The following MCC variants were observed in gnomAD, a reference collection of about 807,000 sequenced individuals.
MCC encodes colorectal mutant cancer protein.
MCC carries 90 observed loss-of-function variants against 116.2 expected under a neutral mutation model. The observed-to-expected ratio is 0.77, with a 90% CI of 0.65 to 0.92. MCC has a LOEUF of 0.92. MCC is among the 40% of genes least tolerant of loss of function. The pLI is 0.00. For synonymous variants in MCC, 578 were observed against 510.5 expected (o/e 1.13, Z -1.78); for missense variants, 1,516 against 1,312.2 (o/e 1.16, Z -2.40).
intron 3 of MCC, among the ~76,000 whole-genome samples, chr5:113,259,462 G>A (rs552102909): frequency 7.2e-5 from 11 of 152,112 alleles, no homozygotes; most frequent in African/African-American, 2.4e-4. Context: ...AGGTAATAGA[G>A]TCTACCACAC....
At chr5:113,207,672 T>G (rs1251955249) in intron 3 of MCC, among the ~76,000 whole-genome samples, 5 of 152,210 alleles carry the variant, frequency 3.3e-5, no homozygotes, top group African/African-American at 1.2e-4. Flanking sequence ...CCTAGGGCAC[T>G]TAAAATATGA....
intron 17 of MCC, among the ~76,000 whole-genome samples, chr5:113,032,736 A>T (rs1751044731): frequency 1.3e-5 from 2 of 152,202 alleles, no homozygotes; most frequent in South Asian, 4.1e-4. Context: ...ACAGGATGAG[A>T]TAGGAGGTCA....
chr5:113,168,772 C>A (rs1581192278), intron 3 of MCC, among the ~76,000 whole-genome samples: 5 of 152,158 alleles, frequency 3.3e-5, no homozygotes, highest in Admixed American at 3.3e-4. Flanking sequence ...GGCAACAGAT[C>A]TGAGACAGGC....
chr5:113,095,821 G>C (rs1475864349), intron 8 of MCC, among the ~76,000 whole-genome samples: 2 of 152,126 alleles, frequency 1.3e-5, no homozygotes, highest in Admixed American at 1.3e-4. Context: ...TCTAGTCTGA[G>C]AGGAGTTCAG....
chr5:113,301,471 A>G (rs1470126461), intron 3 of MCC, among the ~76,000 whole-genome samples: 1 of 150,852 alleles, frequency 6.6e-6, no homozygotes, highest in South Asian at 2.1e-4. Context: ...ATCTCAAACA[A>G]AAGAAAAAAA....
At chr5:113,453,567 A>G (rs1580395818) in intron 1 of MCC, among the ~76,000 whole-genome samples, 1 of 152,080 alleles carries the variant, frequency 6.6e-6, no homozygotes. Flanking sequence ...TTGAACCACC[A>G]TGAAAGGTAT....
chr5:113,370,199 T>A (rs1768803120), intron 2 of MCC, among the ~76,000 whole-genome samples: 1 of 152,194 alleles, frequency 6.6e-6, no homozygotes, highest in Non-Finnish European at 1.5e-5. Flanking sequence ...AGAACCCTCA[T>A]AATCCCAACT....
At chr5:113,285,145 T>C (rs1024192664) in intron 3 of MCC, among the ~76,000 whole-genome samples, 3 of 152,210 alleles carry the variant, frequency 2.0e-5, no homozygotes, top group African/African-American at 7.2e-5. Flanking sequence ...TAATTACTTT[T>C]GACTACAGAA....
chr5:113,284,022 GCTTA>G (rs1274968590), intron 3 of MCC, among the ~76,000 whole-genome samples: 1 of 152,016 alleles, frequency 6.6e-6, no homozygotes, highest in Admixed American at 6.6e-5. Flanking sequence ...CTTTCCTCCA[GCTTA>G]CTTTCGGACT....
intron 3 of MCC, among the ~76,000 whole-genome samples, chr5:113,227,123 T>G (rs1219681632): frequency 1.3e-5 from 2 of 152,224 alleles, no homozygotes; most frequent in African/African-American, 2.4e-5. Flanking sequence ...AGGGACTAAT[T>G]AAGTGACTTT....
At chr5:113,092,263 T>G (rs1009156583) in intron 8 of MCC, among the ~76,000 whole-genome samples, 4 of 151,898 alleles carry the variant, frequency 2.6e-5, no homozygotes, top group Admixed American at 6.6e-5. Flanking sequence ...GAAGCAGGAG[T>G]GCCAGAGTTA....
At chr5:113,301,174 G>C (rs1234786061) in intron 3 of MCC, among the ~76,000 whole-genome samples, 1 of 152,186 alleles carries the variant, frequency 6.6e-6, no homozygotes, top group East Asian at 1.9e-4. Flanking sequence ...CCTTTAAAGA[G>C]ATAGTTACAG....
intron 3 of MCC, among the ~76,000 whole-genome samples, chr5:113,281,965 A>T (rs547322343): frequency 1.5e-4 from 23 of 152,358 alleles, no homozygotes; most frequent in Admixed American, 5.2e-4. Flanking sequence ...CTATGTATTT[A>T]CTAGGCACTG....
chr5:113,356,498 A>G (rs1768419199), intron 2 of MCC, among the ~76,000 whole-genome samples: 1 of 151,870 alleles, frequency 6.6e-6, no homozygotes. Context: ...TCTTTCACTT[A>G]TCTAAATAGC....
intron 1 of MCC, among the ~76,000 whole-genome samples, chr5:113,392,147 C>T (rs928241228): frequency 6.6e-6 from 1 of 151,854 alleles, no homozygotes; most frequent in East Asian, 1.9e-4. Flanking sequence ...GGGAGGATGC[C>T]TTGAGGCCAG....
At chr5:113,078,114 G>C (rs761003879) in intron 11 of MCC, among the ~76,000 whole-genome samples, 2 of 152,188 alleles carry the variant, frequency 1.3e-5, no homozygotes, top group African/African-American at 4.8e-5. Context: ...GGAAGGAGTT[G>C]AATCCCTGAA....
At chr5:113,353,913 A>T (rs1176952898) in intron 2 of MCC, among the ~76,000 whole-genome samples, 1 of 152,232 alleles carries the variant, frequency 6.6e-6, no homozygotes, top group Non-Finnish European at 1.5e-5. Flanking sequence ...ACAACTGACA[A>T]AGGTCACTTC....
Position 113,048,988 on chromosome 5 carries a change from T to C in MCC, c.2655+105A>G, listed in dbSNP as rs755190932. On this transcript the variant is annotated intron_variant, in intron 16 of 18. Coordinates refer to ENST00000408903, the MANE Select transcript of MCC (RefSeq NM_001085377.2). ...GAATGGCCTGCATTTCCTATGCAAA[T>C]ACAAGAACTGAGGCAGCAGGGCGGT... 8 of 1,071,772 alleles carry C rather than the reference T, an allele frequency of 7.5e-6. No individual in the cohort carries two copies. In the East Asian group the frequency reaches 9.6e-5, roughly 13 times the overall value. The allele number at this position is 1,071,772 out of a possible 1,614,324, so 66.4% of individuals were successfully genotyped here.
In MCC at chr5:113,355,216, A is replaced by T. The variant is rs149485662; in HGVS notation, c.416-14486T>A. Among the ~76,000 whole-genome samples the T allele has an allele frequency of 7.9e-5, 12 of 152,336 alleles. No individual in the cohort carries two copies. In the East Asian group the frequency reaches 1.9e-3, roughly 24 times the overall value. ...GTGGGTTGGTCAAAGGAAGTGCAAG[A>T]CATGCCAACCTCAAAGGGCACCAAC... On this transcript the variant is annotated intron_variant, in intron 2 of 18. Coordinates refer to ENST00000408903, the MANE Select transcript of MCC (RefSeq NM_001085377.2).
Sources: allele counts gnomAD v4.1 joint callset (sites outside exome capture counted in the v4.1 genomes callset), GRCh38; gene constraint gnomAD v4.1.1; transcripts MANE v1.5; gene names NCBI Gene and HGNC (gene_info 2026-07-23, HGNC 2026-07-21).